Variants in PPP1R9A observed in about 807,000 individuals in gnomAD.
PPP1R9A encodes the protein neurabin-1.
PPP1R9A carries 59 observed loss-of-function variants against 141.9 expected under a neutral mutation model. The ratio of observed to expected loss-of-function variants is 0.42; its 90% confidence interval spans 0.34 to 0.52. PPP1R9A has a LOEUF of 0.52. Among genes scored for constraint, PPP1R9A ranks in the 20% least tolerant of loss-of-function variants. The pLI, the probability that PPP1R9A is intolerant of heterozygous loss-of-function variation, is 0.10. For missense variants in PPP1R9A, 1,444 were observed against 1,611.9 expected (o/e 0.90, Z 1.78); for synonymous variants, 500 against 569.7 (o/e 0.88, Z 1.74).
chr7:95,223,862 A>T (rs1053713592), intron 7 of PPP1R9A, among the ~76,000 whole-genome samples: 2 of 151,918 alleles, frequency 1.3e-5, no homozygotes, highest in African/African-American at 4.8e-5. Flanking sequence ...CTATATGAAA[A>T]TTTTTCAGCA....
At chr7:95,125,744 T>C (rs1823448491) in intron 4 of PPP1R9A, among the ~76,000 whole-genome samples, 1 of 152,228 alleles carries the variant, frequency 6.6e-6, no homozygotes, top group Non-Finnish European at 1.5e-5. Context: ...TCCTTTTCAA[T>C]TTTATTGGAA....
intron 5 of PPP1R9A, among the ~76,000 whole-genome samples, chr7:95,167,062 C>T (rs1831374182): frequency 6.6e-6 from 1 of 152,126 alleles, no homozygotes; most frequent in African/African-American, 2.4e-5. Flanking sequence ...TGAGACTGGG[C>T]ATTTTACAAA....
At chr7:95,110,764 A>G (rs562007234) in intron 2 of PPP1R9A, among the ~76,000 whole-genome samples, 44 of 152,336 alleles carry the variant, frequency 2.9e-4, no homozygotes, top group Non-Finnish European at 6.2e-4. Flanking sequence ...ATGACAAACA[A>G]GAGCCCAGGA....
At chr7:95,126,271 T>C (rs1372381606) in intron 4 of PPP1R9A, among the ~76,000 whole-genome samples, 2 of 152,274 alleles carry the variant, frequency 1.3e-5, no homozygotes, top group African/African-American at 2.4e-5. Context: ...TTATTTTTTT[T>C]CCCTTCCCAG....
At chr7:95,283,412 T>G (rs1804654184) in intron 16 of PPP1R9A, among the ~76,000 whole-genome samples, 1 of 152,210 alleles carries the variant, frequency 6.6e-6, no homozygotes, top group African/African-American at 2.4e-5. Context: ...TGAGACCATG[T>G]ACTTAGGAGG....
At chr7:95,074,148 T>G (rs1814456272) in intron 2 of PPP1R9A, among the ~76,000 whole-genome samples, 1 of 152,074 alleles carries the variant, frequency 6.6e-6, no homozygotes, top group African/African-American at 2.4e-5. Flanking sequence ...TCTCATAGAG[T>G]TGATGTGAGC....
intron 2 of PPP1R9A, chr7:95,036,970 G>C (rs376939021): frequency 6.6e-6 from 1 of 152,104 alleles, no homozygotes; most frequent in Non-Finnish European, 1.5e-5. Flanking sequence ...TGCTGCTGTC[G>C]TTCATACACA....
At chr7:95,096,833 AC>A (rs1036628672) in intron 2 of PPP1R9A, among the ~76,000 whole-genome samples, 1 of 151,734 alleles carries the variant, frequency 6.6e-6, no homozygotes, top group African/African-American at 2.4e-5. Context: ...CACACATACT[AC>A]CCCCAACCCG....
intron 2 of PPP1R9A, among the ~76,000 whole-genome samples, chr7:95,031,515 G>C (rs1157563990): frequency 6.6e-6 from 1 of 152,122 alleles, no homozygotes; most frequent in African/African-American, 2.4e-5. Flanking sequence ...AGTACTTTAG[G>C]AGTTTCAGGT....
intron 2 of PPP1R9A, among the ~76,000 whole-genome samples, chr7:94,939,572 G>C (rs1340922119): frequency 6.6e-6 from 1 of 151,810 alleles, no homozygotes; most frequent in Non-Finnish European, 1.5e-5. Flanking sequence ...TATTCCAGTG[G>C]ACTTTATATA....
rs1341104500 is a variant in PPP1R9A at position 95,295,204 on chromosome 7, C to G, written c.*4901C>G. 6.6e-6 allele frequency: 1 copy of G among 152,620 alleles called. No homozygotes were observed. The highest frequency in any genetic ancestry group is 1.5e-5 in the Non-Finnish European group (1 of 68,034). The allele number at this position is 152,620 out of a possible 1,614,324, so 9.5% of individuals were successfully genotyped here. A position where few individuals can be genotyped will look rare whatever the true frequency, so the allele number is the denominator to read the frequency against. ...GTCAGTCAGGACCTGGAGCTGTAAT[C>G]ATAGCCTTATTGCCACTTCTTGCGT... On this transcript the variant is annotated 3_prime_UTR_variant, in exon 20 of 20. Transcript: ENST00000433360.
intron 5 of PPP1R9A, among the ~76,000 whole-genome samples, chr7:95,180,878 G>A (rs1278918297): frequency 6.6e-6 from 1 of 152,008 alleles, no homozygotes; most frequent in Non-Finnish European, 1.5e-5. Flanking sequence ...AACTGATGTT[G>A]ACTGACATGG....
chr7:94,960,255 CACTCTCTTAAG>C (rs926816693), intron 2 of PPP1R9A, among the ~76,000 whole-genome samples: 6 of 150,864 alleles, frequency 4.0e-5, no homozygotes, highest in African/African-American at 1.2e-4. Flanking sequence ...TGAATTCTGG[CACTCTCTTAAG>C]ACTGTTCAGT....
chr7:94,951,529 T>G (rs1206209572), intron 2 of PPP1R9A, among the ~76,000 whole-genome samples: 5 of 152,146 alleles, frequency 3.3e-5, no homozygotes, highest in Non-Finnish European at 7.4e-5. Flanking sequence ...ATGATATTAA[T>G]AGGTACTTTT....
Position 95,177,634 on chromosome 7 carries a change from G to GAGACTCACCTAACACATAA in PPP1R9A, c.1754+15672_1754+15690dup, listed in dbSNP as rs1406443088. The stretch of plus-strand genomic sequence containing the variant: ...CCAACCAACTATCTGCTGCCTTCAA[G>GAGACTCACCTAACACATAA]AGACTCACCTAACACATAAAGACTC... On this transcript the variant is annotated intron_variant, in intron 5 of 19. Transcript: ENST00000433360. Among the ~76,000 whole-genome samples, 8 of 152,150 alleles carry GAGACTCACCTAACACATAA rather than the reference G, an allele frequency of 5.3e-5. 1 individual carries two copies. Among genetic ancestry groups the GAGACTCACCTAACACATAA allele is most frequent in the Admixed American group, 5.2e-4 (8 of 15,268 alleles).
At chr7:95,189,181 G>A (rs903621293) in intron 5 of PPP1R9A, among the ~76,000 whole-genome samples, 1 of 151,974 alleles carries the variant, frequency 6.6e-6, no homozygotes, top group African/African-American at 2.4e-5. Context: ...TTTCCTTTAT[G>A]TTACCACTTT....
At chr7:95,070,869 G>T (rs1294357682) in intron 2 of PPP1R9A, among the ~76,000 whole-genome samples, 3 of 151,802 alleles carry the variant, frequency 2.0e-5, no homozygotes, top group Non-Finnish European at 4.4e-5. Context: ...TATGGAAAGA[G>T]AATATTAGTG....
At chr7:94,975,761 A>G (rs939275559) in intron 2 of PPP1R9A, among the ~76,000 whole-genome samples, 2 of 152,166 alleles carry the variant, frequency 1.3e-5, no homozygotes, top group Non-Finnish European at 2.9e-5. Flanking sequence ...ATCAGTTTGA[A>G]AGAAATAGGT....
At chr7:95,217,157 A>G (rs1328031470) in intron 7 of PPP1R9A, among the ~76,000 whole-genome samples, 1 of 152,148 alleles carries the variant, frequency 6.6e-6, no homozygotes, top group East Asian at 1.9e-4. Context: ...TACCTAATTC[A>G]TTGAGAGTTT....
Sources: gnomAD v4.1 joint callset for allele counts (sites outside exome capture counted in the v4.1 genomes callset) on GRCh38, gnomAD v4.1.1 for gene constraint, MANE v1.5 for transcripts, NCBI Gene and HGNC (gene_info 2026-07-23, HGNC 2026-07-21) for gene names.